The following MACC1 variants were observed in gnomAD, a reference collection of about 807,000 sequenced individuals.
The protein encoded by MACC1 is metastasis-associated in colon cancer protein 1.
In MACC1, 79 loss-of-function variants were observed where a neutral mutation model predicts 70.7. The observed-to-expected ratio is 1.12, with a 90% CI of 0.93 to 1.35. The LOEUF (loss-of-function observed/expected upper bound fraction) is 1.35, where lower values mean the gene tolerates loss of function less well. MACC1 is among the 40% of genes most tolerant of loss of function. The probability of loss-of-function intolerance (pLI) is 0.00; values close to 1 mark genes in which losing one functional copy is unlikely to be tolerated. For synonymous variants in MACC1, 361 were observed against 347.2 expected (o/e 1.04, Z -0.44); for missense variants, 1,106 against 978.1 (o/e 1.13, Z -1.74).
In MACC1 at chr7:20,159,506, G is replaced by A; in HGVS notation, c.855C>T (p.Ala285=). 1.2e-6 allele frequency: 2 copies of A among 1,614,038 alleles called. No individual in the cohort carries two copies. Among genetic ancestry groups the A allele is most frequent in the Non-Finnish European group, 8.5e-7 (1 of 1,180,018 alleles). ...CCCCAATTTTCATCTCCAGCAAAAG[G>A]GCTTCCATTGTATTGAGGTTGCCTA... The part of the protein sequence containing the change: ...IMLGNLNTME[A]LLLEMKIGAE... The change falls in exon 5 of 7, where the codon GCC becomes GCT. Residue 285 remains alanine, a synonymous_variant. Coordinates refer to ENST00000400331, the MANE Select transcript of MACC1 (RefSeq NM_182762.4).
At chr7:20,183,941 C>T (rs1014398687) in intron 1 of MACC1, among the ~76,000 whole-genome samples, 21 of 152,212 alleles carry the variant, frequency 1.4e-4, no homozygotes, top group Non-Finnish European at 5.9e-5. Flanking sequence ...TTCTTGAACG[C>T]AGGTGATTCA....
At chr7:20,178,439 T>A (rs892086129) in intron 1 of MACC1, among the ~76,000 whole-genome samples, 3 of 152,220 alleles carry the variant, frequency 2.0e-5, no homozygotes, top group Admixed American at 2.0e-4. Flanking sequence ...ATTATTTCAT[T>A]ATCTTTCGGC....
Position 20,140,359 on chromosome 7 carries a change from A to T in MACC1, c.*587T>A, listed in dbSNP as rs537217388. On this transcript the variant is annotated 3_prime_UTR_variant, in exon 7 of 7. Transcript: ENST00000400331. ...GCCTCAGACGTTCTCTCCACTTCTG[A>T]GTTTCTCCCCATGAAAAATGGGGGT... The T allele has an allele frequency of 6.6e-6, 1 of 152,166 alleles. No individual in the cohort carries two copies. The highest frequency in any genetic ancestry group is 1.5e-5 in the Non-Finnish European group (1 of 68,050). The allele number at this position is 152,166 out of a possible 1,614,324, so 9.4% of individuals were successfully genotyped here. A position where few individuals can be genotyped will look rare whatever the true frequency, so the allele number is the denominator to read the frequency against.
chr7:20,215,142 GA>G (rs1442454506), intron 1 of MACC1, among the ~76,000 whole-genome samples: 2 of 151,942 alleles, frequency 1.3e-5, no homozygotes, highest in Non-Finnish European at 2.9e-5. Flanking sequence ...ATAGTTGAAA[GA>G]AAGGTTTTTG....
At chr7:20,170,192 G>C (rs1782283455) in intron 2 of MACC1, 1 of 152,196 alleles carries the variant, frequency 6.6e-6, no homozygotes, top group Non-Finnish European at 1.5e-5. Flanking sequence ...GAATTCACTG[G>C]TCTGAGCACC....
intron 6 of MACC1, among the ~76,000 whole-genome samples, chr7:20,150,863 A>G (rs1781965428): frequency 6.6e-6 from 1 of 152,268 alleles, no homozygotes; most frequent in African/African-American, 2.4e-5. Flanking sequence ...CCTGGCCAAC[A>G]TGGTGAAACA....
chr7:20,202,294 G>GC (rs1267206241), intron 1 of MACC1, among the ~76,000 whole-genome samples: 1 of 152,190 alleles, frequency 6.6e-6, no homozygotes, highest in Non-Finnish European at 1.5e-5. Flanking sequence ...AAAATGGGAA[G>GC]TATTAGAAAC....
In MACC1 at chr7:20,160,070, C is replaced by T. The variant is rs995258597; in HGVS notation, c.291G>A (p.Lys97=). 1.2e-6 allele frequency: 2 copies of T among 1,610,402 alleles called. No homozygotes were observed. Among genetic ancestry groups the T allele is most frequent in the African/African-American group, 1.3e-5 (1 of 74,618 alleles). The change falls in exon 5 of 7, where the codon AAG becomes AAA. Residue 97 remains lysine, a synonymous_variant. Transcript: ENST00000400331. ...NRKRNNISIL[K]EDPFLFCREI... is the part of the protein sequence containing the mutation. ...CTCTACAGAAAAGAAAAGGATCTTC[C>T]TTTAAGATGGAAATATTATTTCTCT...
At position 20,158,736 on chromosome 7, in the gene MACC1, G is replaced by A; in HGVS notation, c.1625C>T (p.Thr542Ile). ...LSPKILVKYP[T>I]FQDKTLNFSN... is the part of the protein sequence containing the mutation. Reference sequence around the variant, plus strand: ...AAAGTTCAATGTTTTATCTTGAAATGTAGGATATTTAACAAGAATTTTTGG... The same window carrying A: ...AAAGTTCAATGTTTTATCTTGAAATATAGGATATTTAACAAGAATTTTTGG... The change falls in exon 5 of 7, where the codon ACA (threonine) becomes ATA (isoleucine). Residue 542 changes from threonine (T) to isoleucine (I), a missense_variant. Thr to Ile is a moderately conservative substitution (Grantham distance 89). Coordinates refer to ENST00000400331, the MANE Select transcript of MACC1 (RefSeq NM_182762.4). The A allele has an allele frequency of 5.0e-6, 8 of 1,613,966 alleles. No individual in the cohort carries two copies. Among genetic ancestry groups the A allele is most frequent in the Non-Finnish European group, 6.8e-6 (8 of 1,180,008 alleles).
Position 20,137,839 on chromosome 7 carries a change from T to C in MACC1, c.*3107A>G, listed in dbSNP as rs1050723553. On this transcript the variant is annotated 3_prime_UTR_variant, in exon 7 of 7. Transcript: ENST00000400331. ...TTAGAATATATTTATACAAACAGAA[T>C]GTTTGGACATGGGCTTAAAATTCCT... 1.3e-5 allele frequency: 2 copies of C among 152,120 alleles called. No individual in the cohort carries two copies. Among genetic ancestry groups the C allele is most frequent in the African/African-American group, 4.8e-5 (2 of 41,442 alleles). 9.4% of individuals were successfully genotyped at this position (152,120 alleles called of 1,614,324 possible).
At chr7:20,205,432 T>G (rs1782897395) in intron 1 of MACC1, among the ~76,000 whole-genome samples, 1 of 152,206 alleles carries the variant, frequency 6.6e-6, no homozygotes, top group Non-Finnish European at 1.5e-5. Context: ...CTGCTTGATC[T>G]GTGGTGTGGT....
At chr7:20,216,368 A>G (rs1311890896) in intron 1 of MACC1, among the ~76,000 whole-genome samples, 1 of 152,176 alleles carries the variant, frequency 6.6e-6, no homozygotes, top group Non-Finnish European at 1.5e-5. Context: ...CATACAATTT[A>G]CCATCCTAAC....
chr7:20,171,738 C>T (rs1311973831), intron 1 of MACC1, among the ~76,000 whole-genome samples: 3 of 152,090 alleles, frequency 2.0e-5, no homozygotes, highest in Non-Finnish European at 4.4e-5. Flanking sequence ...CCCACCACCA[C>T]GCCTAGCTAA....
At chr7:20,145,009 C>A (rs369843543) in intron 6 of MACC1, among the ~76,000 whole-genome samples, 2 of 152,152 alleles carry the variant, frequency 1.3e-5, no homozygotes, top group East Asian at 3.8e-4. Context: ...CTTGCTGGAG[C>A]CAGCTCACAC....
chr7:20,159,074 C>T lies in MACC1; in HGVS notation c.1287G>A (p.Lys429=), dbSNP rs1562585606. The T allele has an allele frequency of 1.2e-6, 2 of 1,613,274 alleles. No individual in the cohort carries two copies. Among genetic ancestry groups the T allele is most frequent in the Admixed American group, 1.7e-5 (1 of 59,846 alleles). Residue 429 remains lysine (K), a synonymous_variant, in exon 5 of 7, where the codon AAG becomes AAA. Coordinates refer to ENST00000400331, the MANE Select transcript of MACC1 (RefSeq NM_182762.4). Reference sequence around the variant, plus strand: ...AAATAGAAATACTTAAATCTTGTGGCTTGTCAAGTAAAAATGACTGCTTCC... The same window carrying T: ...AAATAGAAATACTTAAATCTTGTGGTTTGTCAAGTAAAAATGACTGCTTCC... ...LWGKQSFLLD[K]PQDLSISIFS...
intron 2 of MACC1, 135 bp from the exon 3 acceptor site, chr7:20,164,534 G>T (rs1417633404): frequency 6.6e-6 from 1 of 151,920 alleles, no homozygotes; most frequent in Non-Finnish European, 1.5e-5. Flanking sequence ...GTCTCATAAG[G>T]TGGCATGCTT....
intron 1 of MACC1, among the ~76,000 whole-genome samples, chr7:20,187,267 C>A (rs188562397): frequency 6.6e-6 from 1 of 152,008 alleles, no homozygotes; most frequent in African/African-American, 2.4e-5. Context: ...AAAATTGTAA[C>A]TAGTTTTTAA....
intron 4 of MACC1, among the ~76,000 whole-genome samples, chr7:20,160,964 A>G (rs1782131336): frequency 6.6e-6 from 1 of 152,164 alleles, no homozygotes; most frequent in African/African-American, 2.4e-5. Flanking sequence ...AATGGCAAAT[A>G]ATAATTTTAC....
chr7:20,165,461 C>T (rs1490630695), intron 2 of MACC1, among the ~76,000 whole-genome samples: 1 of 151,978 alleles, frequency 6.6e-6, no homozygotes, highest in African/African-American at 2.4e-5. Context: ...TCTACACAAA[C>T]ACATCCCTCC....
Sources: gnomAD v4.1 joint callset for allele counts (sites outside exome capture counted in the v4.1 genomes callset) on GRCh38, gnomAD v4.1.1 for gene constraint, MANE v1.5 for transcripts, NCBI Gene and HGNC (gene_info 2026-07-23, HGNC 2026-07-21) for gene names.